The following DDX28 variants were observed in gnomAD, a reference collection of about 807,000 sequenced individuals.
DDX28 encodes the protein probable ATP-dependent RNA helicase DDX28.
DDX28 carries 25 observed loss-of-function variants against 26.8 expected under a neutral mutation model. That is an observed-to-expected ratio of 0.93 (90% CI 0.68 to 1.30). The LOEUF (loss-of-function observed/expected upper bound fraction) is 1.30, where lower values mean the gene tolerates loss of function less well. Ranked by LOEUF, DDX28 falls within the 50% of genes most tolerant of loss-of-function variation. The probability of loss-of-function intolerance (pLI) is 0.00; values close to 1 mark genes in which losing one functional copy is unlikely to be tolerated. For synonymous variants in DDX28, 370 were observed against 311.9 expected (o/e 1.19, Z -1.96); for missense variants, 790 against 695.1 (o/e 1.14, Z -1.53).
Position 68,022,605 on chromosome 16 carries a change from G to GA in DDX28, c.597dup (p.Pro200SerfsTer46). The GA allele has an allele frequency of 6.2e-7, 1 of 1,613,784 alleles. No homozygotes were observed. The highest frequency in any genetic ancestry group is 8.5e-7 in the Non-Finnish European group (1 of 1,179,998). On this transcript the variant is annotated frameshift_variant, in exon 1 of 1. Coordinates refer to ENST00000332395, the MANE Select transcript of DDX28 (RefSeq NM_018380.4). LOFTEE classifies it high-confidence loss of function. The stretch of plus-strand genomic sequence containing the variant: ...ACCAGGCCTCGGGGCGCGGGGATAG[G>GA]AAGGGAGTCCAGGCTTGGCTGGCCC...
rs576275916 is a variant in DDX28, at chr16:68,022,542, C to G, written c.661G>C (p.Ala221Pro). The G allele has an allele frequency of 3.7e-6, 6 of 1,613,946 alleles. No individual in the cohort carries two copies. Among genetic ancestry groups the G allele is most frequent in the Non-Finnish European group, 4.2e-6 (5 of 1,180,010 alleles). The change falls in exon 1 of 1, where the codon GCT becomes CCT. Residue 221 changes from alanine (A) to proline (P), a missense_variant. Ala to Pro is a conservative substitution (Grantham distance 27). Coordinates refer to ENST00000332395, the MANE Select transcript of DDX28 (RefSeq NM_018380.4). ...PSRELAQQVRAVAQPLGRSLG... is the reference protein window; with the variant it reads ...PSRELAQQVRPVAQPLGRSLG... ...GAGCGGCCCAAGGGTTGGGCCACAG[C>G]CCGCACCTGTTGGGCCAATTCTCGG... is the stretch of plus-strand genomic sequence containing the variant.
Position 68,022,443 on chromosome 16 carries a change from G to A in DDX28, c.760C>T (p.Pro254Ser). 1 of 1,613,922 alleles carries A rather than the reference G, an allele frequency of 6.2e-7. No individual in the cohort carries two copies. The highest frequency in any genetic ancestry group is 8.5e-7 in the Non-Finnish European group (1 of 1,180,034). ...RRIRLQLSRQ[P>S]SADVLVATPG... Reference sequence around the variant, plus strand: ...GTGGCCACAAGCACATCTGCTGAAGGCTGTCTGGACAGCTGCAGCCTGATC... The same window carrying A: ...GTGGCCACAAGCACATCTGCTGAAGACTGTCTGGACAGCTGCAGCCTGATC... The change falls in exon 1 of 1, where the codon CCT (proline) becomes TCT (serine). Residue 254 changes from proline (P) to serine (S), a missense_variant. By Grantham distance (74) the Pro-to-Ser change is moderately conservative (BLOSUM62 -1). Transcript: ENST00000332395.
chr16:68,021,703 G>T lies in DDX28; in HGVS notation c.1500C>A (p.Ile500=). 3.1e-6 allele frequency: 5 copies of T among 1,614,184 alleles called. No individual in the cohort carries two copies. Among genetic ancestry groups the T allele is most frequent in the Non-Finnish European group, 4.2e-6 (5 of 1,180,042 alleles). The change falls in exon 1 of 1, where the codon ATC becomes ATA. Residue 500 remains isoleucine (I), a synonymous_variant. Transcript: ENST00000332395. The part of the protein sequence containing the change: ...RVGSEVPGTV[I]SFVTHPWDVS... ...CATCCCAGGGATGGGTCACAAAACT[G>T]ATGACGGTGCCTGGCACCTCGCTCC...
Position 68,022,909 on chromosome 16 carries a change from C to A in DDX28, c.294G>T (p.Lys98Asn). The A allele has an allele frequency of 6.4e-7, 1 of 1,561,606 alleles. No homozygotes were observed. The highest frequency in any genetic ancestry group is 1.4e-5 in the African/African-American group (1 of 73,696). Residue 98 changes from lysine to asparagine, a missense_variant, in exon 1 of 1, where the codon AAG becomes AAT. Physicochemically the swap from Lys to Asn is moderately conservative, Grantham distance 94. Transcript: ENST00000332395. The stretch of plus-strand genomic sequence containing the variant: ...AGTGGTCCCGACGCGCGCGTCGACT[C>A]TTCCAGCCTTGAGAGGCTAGCGGCG... ...ERAPLASQGW[K>N]SRRARRDHFS...
Position 68,022,225 on chromosome 16 carries a change from T to A in DDX28, c.978A>T (p.Leu326Phe). The change falls in exon 1 of 1, where the codon TTA becomes TTT. Residue 326 changes from leucine (L) to phenylalanine (F), a missense_variant. By Grantham distance (22) the Leu-to-Phe change is conservative (BLOSUM62 0). Transcript: ENST00000332395. ...CGGGAAATGTGGCTCCTACCAGCACTAACTGAGCTTTGGGATTGAAGGGGT... is the reference window on the plus strand; with the variant it reads ...CGGGAAATGTGGCTCCTACCAGCACAAACTGAGCTTTGGGATTGAAGGGGT... ...LEDPFNPKAQ[L>F]VLVGATFPEG... The A allele has an allele frequency of 1.2e-6, 2 of 1,614,224 alleles. No homozygotes were observed. The highest frequency in any genetic ancestry group is 2.2e-5 in the South Asian group (2 of 91,088).
Position 68,022,421 on chromosome 16 carries a change from G to A in DDX28, c.782C>T (p.Ala261Val). Residue 261 changes from alanine to valine, a missense_variant, in exon 1 of 1, where the codon GCC (alanine) becomes GTC (valine). Transcript: ENST00000332395. The stretch of plus-strand genomic sequence containing the variant: ...GGCCTTCCACAGAGCCCCTGGAGTG[G>A]CCACAAGCACATCTGCTGAAGGCTG... ...SRQPSADVLV[A>V]TPGALWKALK... 6.2e-7 allele frequency: 1 copy of A among 1,613,952 alleles called. No homozygotes were observed. Among genetic ancestry groups the A allele is most frequent in the Non-Finnish European group, 8.5e-7 (1 of 1,180,040 alleles).
rs970190461 is a variant in DDX28, at chr16:68,022,174, T to C, written c.1029A>G (p.Lys343=). Residue 343 remains lysine (K), a synonymous_variant, in exon 1 of 1, where the codon AAA becomes AAG. Coordinates refer to ENST00000332395, the MANE Select transcript of DDX28 (RefSeq NM_018380.4). ...FPEGVGQLLN[K]VASPDAVTTI... is the part of the protein sequence containing the mutation. ...TGGTGACAGCATCTGGGCTGGCGAC[T>C]TTATTCAGCAACTGGCCTACACCTT... 9 of 1,614,214 alleles carry C rather than the reference T, an allele frequency of 5.6e-6. No individual in the cohort carries two copies. Among genetic ancestry groups the C allele is most frequent in the Non-Finnish European group, 6.8e-6 (8 of 1,180,048 alleles).
Position 68,022,835 on chromosome 16 carries a change from G to C in DDX28, c.368C>G (p.Ser123Trp). 6.4e-7 allele frequency: 1 copy of C among 1,572,944 alleles called. No individual in the cohort carries two copies. ...CAGGTCAGCAAAGCTGCCCTTAGACGAGAGCTTTCGCACCGCTGGCGCCTC... is the reference window on the plus strand; with the variant it reads ...CAGGTCAGCAAAGCTGCCCTTAGACCAGAGCTTTCGCACCGCTGGCGCCTC... The part of the protein sequence containing the change: ...QQEAPAVRKL[S>W]SKGSFADLGL... Residue 123 changes from serine (S) to tryptophan (W), a missense_variant, in exon 1 of 1, where the codon TCG becomes TGG. Physicochemically the swap from Ser to Trp is radical, Grantham distance 177. Coordinates refer to ENST00000332395, the MANE Select transcript of DDX28 (RefSeq NM_018380.4).
chr16:68,022,568 G>C lies in DDX28; in HGVS notation c.635C>G (p.Ser212Cys), dbSNP rs1240385226. Residue 212 changes from serine to cysteine, a missense_variant, in exon 1 of 1, where the codon TCC (serine) becomes TGC (cysteine). Physicochemically the swap from Ser to Cys is moderately radical, Grantham distance 112 (BLOSUM62 -1). Coordinates refer to ENST00000332395, the MANE Select transcript of DDX28 (RefSeq NM_018380.4). Reference sequence around the variant, plus strand: ...CCGCACCTGTTGGGCCAATTCTCGGGAAGGAACAAGGACCAGGCCTCGGGG... The same window carrying C: ...CCGCACCTGTTGGGCCAATTCTCGGCAAGGAACAAGGACCAGGCCTCGGGG... ...PAPRGLVLVPSRELAQQVRAV... is the reference protein window; with the variant it reads ...PAPRGLVLVPCRELAQQVRAV... 2 of 1,614,042 alleles carry C rather than the reference G, an allele frequency of 1.2e-6. No individual in the cohort carries two copies. The highest frequency in any genetic ancestry group is 1.7e-5 in the Admixed American group (1 of 60,034).
At position 68,022,629 on chromosome 16, in the gene DDX28, C is replaced by T; in HGVS notation, c.574G>A (p.Gly192Ser). The T allele has an allele frequency of 6.2e-7, 1 of 1,613,148 alleles. No individual in the cohort carries two copies. The highest frequency in any genetic ancestry group is 1.7e-5 in the Admixed American group (1 of 59,976). The change falls in exon 1 of 1, where the codon GGC becomes AGC. Residue 192 changes from glycine (G) to serine (S), a missense_variant. Gly to Ser is a moderately conservative substitution (Grantham distance 56). Coordinates refer to ENST00000332395, the MANE Select transcript of DDX28 (RefSeq NM_018380.4). ...GGAAGGGAGTCCAGGCTTGGCTGGCCCAAGAGCCGTTGAAGCAGCGGCAGG... is the reference window on the plus strand; with the variant it reads ...GGAAGGGAGTCCAGGCTTGGCTGGCTCAAGAGCCGTTGAAGCAGCGGCAGG... ...YLLPLLQRLL[G>S]QPSLDSLPIP... is the part of the protein sequence containing the mutation.
chr16:68,022,172 A>C lies in DDX28; in HGVS notation c.1031T>G (p.Val344Gly), dbSNP rs1356034633. The change falls in exon 1 of 1, where the codon GTC becomes GGC. Residue 344 changes from valine (V) to glycine (G), a missense_variant. Val to Gly is a moderately radical substitution (Grantham distance 109, BLOSUM62 -3). Transcript: ENST00000332395. The stretch of plus-strand genomic sequence containing the variant: ...GGTGGTGACAGCATCTGGGCTGGCG[A>C]CTTTATTCAGCAACTGGCCTACACC... Reference protein sequence around the residue: ...PEGVGQLLNKVASPDAVTTIT... With the variant: ...PEGVGQLLNKGASPDAVTTIT... The C allele has an allele frequency of 7.4e-6, 12 of 1,614,180 alleles. No individual in the cohort carries two copies. Among genetic ancestry groups the C allele is most frequent in the Non-Finnish European group, 1.0e-5 (12 of 1,180,034 alleles).
rs780154620 is a variant in DDX28, at chr16:68,022,065, C to T, written c.1138G>A (p.Glu380Lys). ...CGATGCTTGAGGATGTGCACCAGCTCGGCCACCTTATCTGCTCCCTTCAGT... is the reference window on the plus strand; with the variant it reads ...CGATGCTTGAGGATGTGCACCAGCTTGGCCACCTTATCTGCTCCCTTCAGT... ...LRLKGADKVA[E>K]LVHILKHRDR... The change falls in exon 1 of 1, where the codon GAG (glutamate) becomes AAG (lysine). Residue 380 changes from glutamate (E) to lysine (K), a missense_variant. By Grantham distance (56) the Glu-to-Lys change is moderately conservative. Coordinates refer to ENST00000332395, the MANE Select transcript of DDX28 (RefSeq NM_018380.4). The T allele has an allele frequency of 1.9e-5, 31 of 1,614,062 alleles. 1 individual carries two copies. The South Asian group carries it at 2.4e-4, about 13-fold the overall frequency.
Position 68,022,157 on chromosome 16 carries a change from G to C in DDX28, c.1046C>G (p.Ala349Gly), listed in dbSNP as rs1567464631. The C allele has an allele frequency of 1.2e-6, 2 of 1,614,218 alleles. No individual in the cohort carries two copies. Among genetic ancestry groups the C allele is most frequent in the Middle Eastern group, 3.3e-4 (2 of 6,062 alleles). ...QLLNKVASPD[A>G]VTTITSSKLH... ...CTTGGAGCTGGTGATGGTGGTGACA[G>C]CATCTGGGCTGGCGACTTTATTCAG... The change falls in exon 1 of 1, where the codon GCT (alanine) becomes GGT (glycine). Residue 349 changes from alanine (A) to glycine (G), a missense_variant. By Grantham distance (60) the Ala-to-Gly change is moderately conservative (BLOSUM62 0). Coordinates refer to ENST00000332395, the MANE Select transcript of DDX28 (RefSeq NM_018380.4).
chr16:68,021,603 C>T lies in DDX28; in HGVS notation c.1600G>A (p.Glu534Lys). The change falls in exon 1 of 1, where the codon GAG becomes AAG. Residue 534 changes from glutamate (E) to lysine (K), a missense_variant. Transcript: ENST00000332395. ...AATCAGGTTGCTTGGGGCAAAGGCTCTTTCACCGAGGATGCTAGTCCTGGA... is the reference window on the plus strand; with the variant it reads ...AATCAGGTTGCTTGGGGCAAAGGCTTTTTCACCGAGGATGCTAGTCCTGGA... ...SLPGLASSVK[E>K]PLPQAT is the part of the protein sequence containing the mutation. The T allele has an allele frequency of 6.2e-7, 1 of 1,613,916 alleles. No individual in the cohort carries two copies. Among genetic ancestry groups the T allele is most frequent in the East Asian group, 2.2e-5 (1 of 44,882 alleles).
rs1409879058 is a variant in DDX28 at position 68,023,192 on chromosome 16, G to A, written c.11C>T (p.Thr4Met). ...GAGGGAAAAGAGCCGCACCGGCCGC[G>A]TTAGAGCCATGTTTCCCTTAGTGCG... MAL[T>M]RPVRLFSLVT... The change falls in exon 1 of 1, where the codon ACG (threonine) becomes ATG (methionine). Residue 4 changes from threonine (T) to methionine (M), a missense_variant. By Grantham distance (81) the Thr-to-Met change is moderately conservative. Coordinates refer to ENST00000332395, the MANE Select transcript of DDX28 (RefSeq NM_018380.4). 6.2e-7 allele frequency: 1 copy of A among 1,609,660 alleles called. No individual in the cohort carries two copies. The highest frequency in any genetic ancestry group is 2.2e-5 in the East Asian group (1 of 44,814).
Position 68,022,961 on chromosome 16 carries a change from C to T in DDX28, c.242G>A (p.Arg81His). 1.3e-6 allele frequency: 2 copies of T among 1,549,194 alleles called. No individual in the cohort carries two copies. Among genetic ancestry groups the T allele is most frequent in the African/African-American group, 2.7e-5 (2 of 73,552 alleles). ...GCGCTCCCAACGGCCCAGTGTGAGG[C>T]GCGCCGGCTGGTTCAACTCCGGCCG... is the stretch of plus-strand genomic sequence containing the variant. ...ARRPELNQPA[R>H]LTLGRWERAP... The change falls in exon 1 of 1, where the codon CGC becomes CAC. Residue 81 changes from arginine (R) to histidine (H), a missense_variant. Arg to His is a conservative substitution (Grantham distance 29). Coordinates refer to ENST00000332395, the MANE Select transcript of DDX28 (RefSeq NM_018380.4).
At position 68,022,709 on chromosome 16, in the gene DDX28, C is replaced by T. The variant is rs1222556703; in HGVS notation, c.494G>A (p.Gly165Asp). Reference protein sequence around the residue: ...QSSTIPSLLRGRHVVCAAETG... With the variant: ...QSSTIPSLLRDRHVVCAAETG... ...TTCTGCGGCGCAAACGACATGGCGG[C>T]CGCGAAGTAGTGAGGGGATGGTGCT... Residue 165 changes from glycine (G) to aspartate (D), a missense_variant, in exon 1 of 1, where the codon GGC becomes GAC. Transcript: ENST00000332395. The T allele has an allele frequency of 1.2e-6, 2 of 1,613,244 alleles. No individual in the cohort carries two copies. Among genetic ancestry groups the T allele is most frequent in the Non-Finnish European group, 1.7e-6 (2 of 1,180,020 alleles).
In DDX28 at chr16:68,022,835, G is replaced by T; in HGVS notation, c.368C>A (p.Ser123Ter). ...QQEAPAVRKL[S>*]SKGSFADLGL... ...CAGGTCAGCAAAGCTGCCCTTAGAC[G>T]AGAGCTTTCGCACCGCTGGCGCCTC... Residue 123 changes from serine (S) to a stop codon, truncating the protein, a stop_gained, in exon 1 of 1, where the codon TCG becomes TAG. Coordinates refer to ENST00000332395, the MANE Select transcript of DDX28 (RefSeq NM_018380.4). LOFTEE classifies it high-confidence loss of function. 6.4e-7 allele frequency: 1 copy of T among 1,572,942 alleles called. No homozygotes were observed. The highest frequency in any genetic ancestry group is 1.2e-5 in the South Asian group (1 of 86,448).
In DDX28 at chr16:68,021,477, G is replaced by T; in HGVS notation, c.*103C>A. On this transcript the variant is annotated 3_prime_UTR_variant, in exon 1 of 1. Coordinates refer to ENST00000332395, the MANE Select transcript of DDX28 (RefSeq NM_018380.4). ...CAGTTCATCCCGCCCTCAAGGAGCC[G>T]ACAGGGCAGCCCAGAGCCTCCCACT... The T allele has an allele frequency of 1.5e-6, 2 of 1,321,126 alleles. No individual in the cohort carries two copies. The highest frequency in any genetic ancestry group is 2.1e-6 in the Non-Finnish European group (2 of 965,978). The allele number at this position is 1,321,126 out of a possible 1,614,324, so 81.8% of individuals were successfully genotyped here.
Sources: allele counts gnomAD v4.1 joint callset, GRCh38; gene constraint gnomAD v4.1.1; transcripts MANE v1.5; gene names NCBI Gene and HGNC (gene_info 2026-07-23, HGNC 2026-07-21).